The following SCHIP1 variants were observed in gnomAD, a reference collection of about 807,000 sequenced individuals.
SCHIP1 encodes schwannomin interacting protein 1.
A neutral mutation model predicts 29.7 loss-of-function variants in SCHIP1; 8 were observed. The observed-to-expected ratio is 0.27, with a 90% CI of 0.16 to 0.49. The LOEUF is 0.49. Among genes scored for constraint, SCHIP1 ranks in the 20% least tolerant of loss-of-function variants. The pLI, the probability that SCHIP1 is intolerant of heterozygous loss-of-function variation, is 0.99. For synonymous variants in SCHIP1, 76 were observed against 94.9 expected (o/e 0.80, Z 1.16); for missense variants, 193 against 294.6 (o/e 0.66, Z 2.52).
chr3:159,636,137 C>T, the SCHIP1 span, among the ~76,000 whole-genome samples: 1 of 152,212 alleles, frequency 6.6e-6, no homozygotes, highest in Non-Finnish European at 1.5e-5. Context: ...CAGCCTTTGC[C>T]TTTTGGGTTC....
At chr3:159,563,381 G>T in the SCHIP1 span, among the ~76,000 whole-genome samples, 1 of 151,982 alleles carries the variant, frequency 6.6e-6, no homozygotes, top group South Asian at 2.1e-4. Context: ...AATTTTCCAT[G>T]ATGAGAGAAC....
the SCHIP1 span, among the ~76,000 whole-genome samples, chr3:159,777,168 A>G: frequency 1.3e-5 from 2 of 152,226 alleles, no homozygotes; most frequent in Non-Finnish European, 2.9e-5. Context: ...TCTGCTGTCC[A>G]GAATACTGCC....
chr3:159,798,652 G>T, the SCHIP1 span, among the ~76,000 whole-genome samples: 5 of 152,006 alleles, frequency 3.3e-5, no homozygotes, highest in African/African-American at 1.2e-4. Context: ...CAGCTACTCG[G>T]GAGCCTGAGG....
At chr3:159,671,554 A>T in the SCHIP1 span, among the ~76,000 whole-genome samples, 1 of 152,146 alleles carries the variant, frequency 6.6e-6, no homozygotes, top group African/African-American at 2.4e-5. Context: ...TTGATCTGTA[A>T]GTCAGAAGTC....
chr3:159,817,336 G>A, the SCHIP1 span, among the ~76,000 whole-genome samples: 1 of 152,150 alleles, frequency 6.6e-6, no homozygotes. Context: ...CGGGGTCGAG[G>A]AGAGGTGCAT....
the SCHIP1 span, among the ~76,000 whole-genome samples, chr3:159,496,632 TAGGAAC>T: frequency 6.6e-6 from 1 of 152,132 alleles, no homozygotes; most frequent in Non-Finnish European, 1.5e-5. Flanking sequence ...TGTGGAGAAA[TAGGAAC>T]ACTTTTACAC....
the SCHIP1 span, among the ~76,000 whole-genome samples, chr3:159,419,069 A>G: frequency 0.57 from 86,055 of 151,608 alleles, 25,110 homozygotes; most frequent in East Asian, 0.75. Flanking sequence ...GCAAACAAAA[A>G]AAAACATGAG....
the SCHIP1 span, among the ~76,000 whole-genome samples, chr3:159,669,318 C>G: frequency 6.6e-6 from 1 of 152,198 alleles, no homozygotes; most frequent in Non-Finnish European, 1.5e-5. Flanking sequence ...GAAAGCCCAG[C>G]TCATTTCGAC....
the SCHIP1 span, among the ~76,000 whole-genome samples, chr3:159,824,136 G>A: frequency 6.6e-6 from 1 of 152,154 alleles, no homozygotes; most frequent in South Asian, 2.1e-4. Context: ...CTTTCAGAAA[G>A]ATTCTTCATT....
chr3:159,889,209 C>T (rs1717249600), intron 5 of SCHIP1, among the ~76,000 whole-genome samples: 1 of 152,170 alleles, frequency 6.6e-6, no homozygotes, highest in Non-Finnish European at 1.5e-5. Context: ...AGTGCATGTA[C>T]CTGACTTACA....
intron 1 of SCHIP1, among the ~76,000 whole-genome samples, chr3:159,863,668 A>T (rs1714299062): frequency 6.6e-6 from 1 of 152,214 alleles, no homozygotes; most frequent in Non-Finnish European, 1.5e-5. Flanking sequence ...AAGTGGTGGG[A>T]TTATGAGTGA....
the SCHIP1 span, among the ~76,000 whole-genome samples, chr3:159,683,891 A>G: frequency 3.9e-5 from 6 of 151,996 alleles, no homozygotes; most frequent in Non-Finnish European, 8.8e-5. Flanking sequence ...CCCTGTCTGC[A>G]AAGACTTTGT....
chr3:159,305,709 T>C, the SCHIP1 span, among the ~76,000 whole-genome samples: 1 of 152,238 alleles, frequency 6.6e-6, no homozygotes, highest in African/African-American at 2.4e-5. Context: ...TATTATCTTA[T>C]ATAATCCTCA....
the SCHIP1 span, among the ~76,000 whole-genome samples, chr3:159,491,204 A>G: frequency 6.6e-6 from 1 of 152,308 alleles, no homozygotes; most frequent in East Asian, 1.9e-4. Flanking sequence ...TAATTTCTGC[A>G]TTTCCAACTG....
At chr3:159,808,706 C>A in the SCHIP1 span, 4 of 152,318 alleles carry the variant, frequency 2.6e-5, no homozygotes, top group African/African-American at 9.6e-5. Context: ...CTAATGACTA[C>A]AAAAAACCCC....
At chr3:159,637,009 A>G in the SCHIP1 span, among the ~76,000 whole-genome samples, 4 of 152,172 alleles carry the variant, frequency 2.6e-5, no homozygotes, top group African/African-American at 9.7e-5. Context: ...GAGTTAACTT[A>G]TTGATATTAC....
chr3:159,544,062 C>T, the SCHIP1 span, among the ~76,000 whole-genome samples: 2 of 152,038 alleles, frequency 1.3e-5, no homozygotes, highest in Non-Finnish European at 2.9e-5. Context: ...ACTTCCCAGT[C>T]ATTATCCTCA....
At chr3:159,862,105 G>A (rs1202055484) in intron 1 of SCHIP1, among the ~76,000 whole-genome samples, 1 of 152,126 alleles carries the variant, frequency 6.6e-6, no homozygotes, top group African/African-American at 2.4e-5. Flanking sequence ...GGATATTTGT[G>A]GTTATGATTT....
At chr3:159,560,696 C>G in the SCHIP1 span, among the ~76,000 whole-genome samples, 1 of 151,742 alleles carries the variant, frequency 6.6e-6, no homozygotes, top group Admixed American at 6.6e-5. Flanking sequence ...CCATCACTCT[C>G]AAGTTGCCCC....
Sources: allele counts gnomAD v4.1 joint callset (sites outside exome capture counted in the v4.1 genomes callset), GRCh38; gene constraint gnomAD v4.1.1; transcripts MANE v1.5; gene names NCBI Gene and HGNC (gene_info 2026-07-23, HGNC 2026-07-21).